Variants in DSE observed in about 807,000 individuals in gnomAD.
DSE encodes the protein dermatan sulfate epimerase, also known as dermatan-sulfate epimerase.
Under a neutral mutation model 84.4 loss-of-function variants are expected in DSE, and 36 were observed. The observed-to-expected ratio is 0.43, with a 90% confidence interval of 0.33 to 0.56. The LOEUF (loss-of-function observed/expected upper bound fraction) is 0.56. Among genes scored for constraint, DSE ranks in the 20% least tolerant of loss-of-function variants. The pLI is 0.06. For synonymous variants in DSE, 410 were observed against 430.1 expected (o/e 0.95, Z 0.58); for missense variants, 862 against 1,169.6 (o/e 0.74, Z 3.84).
rs1464798788 is a variant in DSE at position 116,442,369 on chromosome 6, A to C, written c.*5024A>C. On this transcript the variant is annotated 3_prime_UTR_variant, in exon 6 of 6. Coordinates refer to ENST00000644252, the MANE Select transcript of DSE (RefSeq NM_013352.4). The stretch of plus-strand genomic sequence containing the variant: ...GGAATAAGTAGTAGGAAGCGGGTCC[A>C]GGAGGTTGTTTTAGCCATGTTAAGT... The C allele has an allele frequency of 6.6e-6, 1 of 152,208 alleles. No individual in the cohort carries two copies. The highest frequency in any genetic ancestry group is 1.5e-5 in the Non-Finnish European group (1 of 68,060). 9.4% of individuals were successfully genotyped at this position (152,208 alleles called of 1,614,324 possible).
At chr6:116,330,226 T>C (rs1776858095) in intron 2 of DSE, among the ~76,000 whole-genome samples, 1 of 152,234 alleles carries the variant, frequency 6.6e-6, no homozygotes, top group Non-Finnish European at 1.5e-5. Context: ...ATAGTCAAAA[T>C]TGAATAAATG....
At chr6:116,279,913 C>A in intron 2 of DSE, 1 of 1,579,914 alleles carries the variant, frequency 6.3e-7, no homozygotes, top group Non-Finnish European at 8.7e-7. Context: ...CTCGCACCGC[C>A]CACCCTACAG....
Position 116,320,958 on chromosome 6 carries a change from A to G in DSE, c.-54+61991A>G, listed in dbSNP as rs532495916. ...ACAGAAGGCAAAGAAGGAGTGTACT[A>G]AGGCGATGGAGAGATTGAGATAGAG... On this transcript the variant is annotated intron_variant, in intron 2 of 3. Coordinates refer to the DSE transcript ENST00000430252. Among the ~76,000 whole-genome samples, 28 of 152,316 alleles carry G rather than the reference A, an allele frequency of 1.8e-4. No homozygotes were observed. In the South Asian group the frequency reaches 5.8e-3, roughly 32 times the overall value.
At chr6:116,291,294 T>C (rs1048136334) in intron 2 of DSE, among the ~76,000 whole-genome samples, 1 of 152,130 alleles carries the variant, frequency 6.6e-6, no homozygotes, top group African/African-American at 2.4e-5. Flanking sequence ...GTGCACAGAA[T>C]AGGAAATTTG....
chr6:116,364,163 T>C (rs547955780), intron 2 of DSE, among the ~76,000 whole-genome samples: 18 of 152,122 alleles, frequency 1.2e-4, no homozygotes, highest in African/African-American at 4.4e-4. Context: ...GCTGTGTTTT[T>C]TGTTTGTTTG....
At chr6:116,427,532 T>C (rs1783522623) in intron 3 of DSE, among the ~76,000 whole-genome samples, 1 of 152,228 alleles carries the variant, frequency 6.6e-6, no homozygotes, top group African/African-American at 2.4e-5. Context: ...CCATAAGAAT[T>C]ATTAAGCATT....
At chr6:116,417,912 T>G (rs1782820695) in intron 2 of DSE, among the ~76,000 whole-genome samples, 1 of 152,050 alleles carries the variant, frequency 6.6e-6, no homozygotes, top group Admixed American at 6.5e-5. Context: ...TTTTAATCAG[T>G]AGTAAGTATT....
intron 2 of DSE, among the ~76,000 whole-genome samples, chr6:116,414,511 C>G (rs1782576108): frequency 6.6e-6 from 1 of 152,088 alleles, no homozygotes; most frequent in Admixed American, 6.5e-5. Flanking sequence ...CTCCTGGGTT[C>G]AAGCGATTCT....
At chr6:116,260,941 G>C (rs967120201) in intron 2 of DSE, among the ~76,000 whole-genome samples, 4 of 152,100 alleles carry the variant, frequency 2.6e-5, no homozygotes, top group Non-Finnish European at 5.9e-5. Context: ...TGTTCTTTTT[G>C]TTTAGGATTG....
chr6:116,255,756 C>G (rs1373177140), intron 1 of DSE: 1 of 152,148 alleles, frequency 6.6e-6, no homozygotes, highest in East Asian at 1.9e-4. Context: ...CCATTATAAC[C>G]TGAGTCAAGA....
chr6:116,338,223 T>TTG (rs1702879488), intron 2 of DSE, among the ~76,000 whole-genome samples: 1 of 138,112 alleles, frequency 7.2e-6, no homozygotes, highest in South Asian at 2.3e-4. Context: ...TTCTTTCTTT[T>TTG]TTTTTTTTTT....
At chr6:116,322,282 C>T (rs1016347724) in intron 2 of DSE, among the ~76,000 whole-genome samples, 1 of 152,070 alleles carries the variant, frequency 6.6e-6, no homozygotes, top group Non-Finnish European at 1.5e-5. Flanking sequence ...GGTGTGGCGC[C>T]GGGCTGTCTG....
At chr6:116,435,259 G>C (rs1412708369) in intron 5 of DSE, among the ~76,000 whole-genome samples, 2 of 152,192 alleles carry the variant, frequency 1.3e-5, no homozygotes, top group Non-Finnish European at 2.9e-5. Flanking sequence ...AAATTTGGAT[G>C]AAGTGCTTAA....
intron 2 of DSE, among the ~76,000 whole-genome samples, chr6:116,307,780 A>C (rs972920671): frequency 2.0e-5 from 3 of 152,234 alleles, no homozygotes; most frequent in African/African-American, 7.2e-5. Context: ...CAAGGAAAGA[A>C]GTGTGTACAA....
intron 2 of DSE, chr6:116,280,129 C>T (rs1473946188): frequency 6.4e-6 from 3 of 469,630 alleles, no homozygotes; most frequent in Admixed American, 3.4e-5. Context: ...CGCGGACGAC[C>T]CACCTTGAGA....
rs776160023 is a variant in DSE at position 116,436,493 on chromosome 6, T to C, written c.2025T>C (p.Thr675=). 2.5e-6 allele frequency: 4 copies of C among 1,614,038 alleles called. No homozygotes were observed. The African/African-American group carries it at 5.3e-5, about 22-fold the overall frequency. The change falls in exon 6 of 6, where the codon ACT becomes ACC. Residue 675 remains threonine (T), a synonymous_variant. Coordinates refer to ENST00000644252, the MANE Select transcript of DSE (RefSeq NM_013352.4). ...IGPSIDVQSF[T]VHGDSQQLDV... is the part of the protein sequence containing the mutation. ...CATCTATAGATGTTCAGAGCTTCAC[T>C]GTCCACGGAGACTCTCAGCAACTGG...
At chr6:116,321,114 T>A (rs1417225850) in intron 2 of DSE, among the ~76,000 whole-genome samples, 1 of 152,192 alleles carries the variant, frequency 6.6e-6, no homozygotes, top group Non-Finnish European at 1.5e-5. Flanking sequence ...CTGGTATTGC[T>A]TCCCAGGTCA....
chr6:116,325,647 G>T (rs1776573614), intron 2 of DSE, among the ~76,000 whole-genome samples: 2 of 152,130 alleles, frequency 1.3e-5, no homozygotes, highest in Admixed American at 1.3e-4. Context: ...ATTGTCTTCT[G>T]CCCTCCATGT....
chr6:116,395,284 G>T (rs1781172941), intron 1 of DSE, among the ~76,000 whole-genome samples: 1 of 152,212 alleles, frequency 6.6e-6, no homozygotes, highest in South Asian at 2.1e-4. Flanking sequence ...TATTAGCTGG[G>T]CATGGTGGTG....
Sources: gnomAD v4.1 joint callset for allele counts (sites outside exome capture counted in the v4.1 genomes callset) on GRCh38, gnomAD v4.1.1 for gene constraint, MANE v1.5 for transcripts, NCBI Gene and HGNC (gene_info 2026-07-23, HGNC 2026-07-21) for gene names.